The following ADAMTS14 variants were observed in gnomAD, a reference collection of about 807,000 sequenced individuals.
ADAMTS14 encodes the protein ADAM metallopeptidase with thrombospondin type 1 motif 14, also known as A disintegrin and metalloproteinase with thrombospondin motifs 14.
Under a neutral mutation model 128.6 loss-of-function variants are expected in ADAMTS14, and 100 were observed. The observed-to-expected ratio is 0.78, with a 90% CI of 0.66 to 0.92. The LOEUF is 0.92. Among genes scored for constraint, ADAMTS14 ranks in the 40% least tolerant of loss-of-function variants. The probability of loss-of-function intolerance (pLI) is 0.00; values close to 1 mark genes in which losing one functional copy is unlikely to be tolerated. For synonymous variants in ADAMTS14, 665 were observed against 653.8 expected (o/e 1.02, Z -0.26); for missense variants, 1,562 against 1,658.6 (o/e 0.94, Z 1.01).
At chr10:70,716,348 G>C (rs1332714129) in intron 4 of ADAMTS14, among the ~76,000 whole-genome samples, 1 of 152,226 alleles carries the variant, frequency 6.6e-6, no homozygotes, top group Admixed American at 6.5e-5. Context: ...TCCTCTTGGG[G>C]AGAGAGGCTC....
intron 18 of ADAMTS14, 63 bp downstream of exon 18, chr10:70,752,290 G>A (rs576767357): frequency 4.5e-5 from 72 of 1,587,966 alleles, no homozygotes; most frequent in African/African-American, 4.3e-4. Context: ...CCCAGGCAGC[G>A]GGGCTGCTGA....
chr10:70,741,311 C>T (rs942457511), intron 12 of ADAMTS14, 149 bp downstream of exon 12: 15 of 907,160 alleles, frequency 1.7e-5, no homozygotes, highest in East Asian at 2.7e-5. Flanking sequence ...TCAGCGGGCT[C>T]ACCATATACC....
rs552739169 is a variant in ADAMTS14, at chr10:70,700,777, C to T, written c.523-1535C>T. Reference sequence around the variant, plus strand: ...CACTTCGTCATAGCACCGGGCAGGACGTTGGCAGCCCTCGGCTCTTGGGCC... The same window carrying T: ...CACTTCGTCATAGCACCGGGCAGGATGTTGGCAGCCCTCGGCTCTTGGGCC... On this transcript the variant is annotated intron_variant, in intron 2 of 21. Coordinates refer to ENST00000373207, the MANE Select transcript of ADAMTS14 (RefSeq NM_080722.4). 1.1e-4 allele frequency among the ~76,000 whole-genome samples: 16 copies of T among 152,336 alleles called. No individual in the cohort carries two copies. The East Asian group carries it at 1.7e-3, about 17-fold the overall frequency.
chr10:70,672,692 G>A lies in ADAMTS14; in HGVS notation c.-111G>A, dbSNP rs1375764523. ...GCGGGGAGGCGGCTGAGGCGGCAGC[G>A]GCGGCAGCCAGCCGGTGCTCCGACA... On this transcript the variant is annotated 5_prime_UTR_variant, in exon 1 of 22. Transcript: ENST00000373207. 2.4e-6 allele frequency: 3 copies of A among 1,228,500 alleles called. No individual in the cohort carries two copies. Among genetic ancestry groups the A allele is most frequent in the Non-Finnish European group, 3.1e-6 (3 of 982,246 alleles). 76.1% of individuals were successfully genotyped at this position (1,228,500 alleles called of 1,614,324 possible). A position where few individuals can be genotyped will look rare whatever the true frequency, so the allele number is the denominator to read the frequency against.
At chr10:70,760,103 C>CGCT (rs34709499) in intron 21 of ADAMTS14, among the ~76,000 whole-genome samples, 7 of 151,934 alleles carry the variant, frequency 4.6e-5, no homozygotes, top group Non-Finnish European at 8.8e-5. Context: ...TTCCAGGTGA[C>CGCT]GCTGCTGCTG....
rs74627035 is a variant in ADAMTS14, at chr10:70,747,775, G to A, written c.2264-2047G>A. Reference sequence around the variant, plus strand: ...CTGGTGGGGAGAGCGAAGCAGTGGCGGCCCAGGAGCTGAACTCTGAAGTTG... The same window carrying A: ...CTGGTGGGGAGAGCGAAGCAGTGGCAGCCCAGGAGCTGAACTCTGAAGTTG... On this transcript the variant is annotated intron_variant, in intron 15 of 21. Transcript: ENST00000373207. Among the ~76,000 whole-genome samples, 12 of 152,282 alleles carry A rather than the reference G, an allele frequency of 7.9e-5. No individual in the cohort carries two copies. The South Asian group carries it at 8.3e-4, about 11-fold the overall frequency.
chr10:70,708,531 C>T, intron 3 of ADAMTS14, 57 bp from the exon 4 acceptor site: 1 of 1,501,880 alleles, frequency 6.7e-7, no homozygotes, highest in African/African-American at 1.4e-5. Flanking sequence ...TGGGCAATGT[C>T]ACAGTGACAG....
At chr10:70,721,920 A>G (rs955161350) in intron 4 of ADAMTS14, among the ~76,000 whole-genome samples, 38 of 152,352 alleles carry the variant, frequency 2.5e-4, no homozygotes, top group African/African-American at 9.1e-4. Context: ...AGCTACGGAC[A>G]GCATCCTGTG....
At chr10:70,745,399 A>G in intron 15 of ADAMTS14, 93 bp downstream of exon 15, 1 of 1,334,570 alleles carries the variant, frequency 7.5e-7, no homozygotes, top group Non-Finnish European at 1.1e-6. Flanking sequence ...AGATTCTAGT[A>G]CAAGTGGAAT....
At chr10:70,676,877 G>C (rs1027934348) in intron 2 of ADAMTS14, among the ~76,000 whole-genome samples, 1 of 152,228 alleles carries the variant, frequency 6.6e-6, no homozygotes, top group Non-Finnish European at 1.5e-5. Flanking sequence ...TGAATTAGAT[G>C]GTGAATTCCT....
chr10:70,708,805 G>T (rs764570444), intron 4 of ADAMTS14, 27 bp downstream of exon 4: 3 of 1,495,672 alleles, frequency 2.0e-6, no homozygotes, highest in South Asian at 1.3e-5. Flanking sequence ...CCTAGGACTT[G>T]GGGGGAGTGG....
intron 10 of ADAMTS14, among the ~76,000 whole-genome samples, chr10:70,737,510 G>A (rs186195969): frequency 1.3e-5 from 2 of 152,280 alleles, no homozygotes; most frequent in East Asian, 3.9e-4. Context: ...TGCTAGGAGA[G>A]GTGGTTCCTC....
Position 70,760,459 on chromosome 10 carries a change from G to A in ADAMTS14, c.3278G>A (p.Cys1093Tyr), listed in dbSNP as rs776379539. The change falls in exon 22 of 22, where the codon TGC becomes TAC. Residue 1093 changes from cysteine (C) to tyrosine (Y), a missense_variant. Transcript: ENST00000373207. ...TACCACCGGCTCTGCTGTGTGTCCT[G>A]CATCAAGAAGGCCTCGGGCCCCAAC... ...PGYHRLCCVSCIKKASGPNPG... is the reference protein window; with the variant it reads ...PGYHRLCCVSYIKKASGPNPG... 1.2e-6 allele frequency: 2 copies of A among 1,613,768 alleles called. No individual in the cohort carries two copies. The highest frequency in any genetic ancestry group is 1.7e-5 in the Admixed American group (1 of 60,012).
At chr10:70,735,812 G>T (rs1419551219) in intron 9 of ADAMTS14, among the ~76,000 whole-genome samples, 2 of 152,206 alleles carry the variant, frequency 1.3e-5, no homozygotes, top group African/African-American at 2.4e-5. Context: ...AGACTGCTGA[G>T]CCTGAGATCA....
Position 70,709,735 on chromosome 10 carries a change from C to T in ADAMTS14, c.870+957C>T, listed in dbSNP as rs892635966. On this transcript the variant is annotated intron_variant, in intron 4 of 21. Transcript: ENST00000373207. Reference sequence around the variant, plus strand: ...CAGGATGGTCTGGATCTCCTGACCTCGTGATCCGCCCGCCTCAGCCTCCCA... The same window carrying T: ...CAGGATGGTCTGGATCTCCTGACCTTGTGATCCGCCCGCCTCAGCCTCCCA... 3.3e-5 allele frequency among the ~76,000 whole-genome samples: 5 copies of T among 152,198 alleles called. No homozygotes were observed. In the East Asian group the frequency reaches 9.7e-4, roughly 29 times the overall value.
intron 3 of ADAMTS14, among the ~76,000 whole-genome samples, chr10:70,706,464 A>C (rs1840670810): frequency 6.6e-6 from 1 of 152,218 alleles, no homozygotes; most frequent in East Asian, 1.9e-4. Flanking sequence ...TCCCTGCTCC[A>C]TGGAGAGAGC....
chr10:70,705,103 G>A (rs115382711), intron 3 of ADAMTS14, among the ~76,000 whole-genome samples: 3,868 of 151,986 alleles, frequency 0.025, 154 homozygotes, highest in African/African-American at 0.09. Flanking sequence ...CCATGAATGA[G>A]CCCCAGAGAA....
At chr10:70,730,345 C>T in intron 6 of ADAMTS14, 96 bp downstream of exon 6, 3 of 1,473,944 alleles carry the variant, frequency 2.0e-6, no homozygotes, top group Non-Finnish European at 2.7e-6. Context: ...CTTCTGGGGC[C>T]CACCACATGG....
intron 16 of ADAMTS14, among the ~76,000 whole-genome samples, chr10:70,751,024 C>T (rs1842333047): frequency 6.6e-6 from 1 of 152,140 alleles, no homozygotes; most frequent in South Asian, 2.1e-4. Context: ...TTAAGTGCAT[C>T]AAAAGACATT....
Sources: allele counts gnomAD v4.1 joint callset (sites outside exome capture counted in the v4.1 genomes callset), GRCh38; gene constraint gnomAD v4.1.1; transcripts MANE v1.5; gene names NCBI Gene and HGNC (gene_info 2026-07-23, HGNC 2026-07-21).